The following CDH18 variants were observed in gnomAD, a reference collection of about 807,000 sequenced individuals.
CDH18 encodes cadherin 18, also known as cadherin-18.
A neutral mutation model predicts 67.9 loss-of-function variants in CDH18; 31 were observed. That is an observed-to-expected ratio of 0.46 (90% CI 0.34 to 0.62). The LOEUF (loss-of-function observed/expected upper bound fraction) is 0.62, where lower values mean the gene tolerates loss of function less well. Among genes scored for constraint, CDH18 ranks in the 20% least tolerant of loss-of-function variants. The pLI, the probability that CDH18 is intolerant of heterozygous loss-of-function variation, is 0.01. For synonymous variants in CDH18, 362 were observed against 347.2 expected (o/e 1.04, Z -0.48); for missense variants, 890 against 975.5 (o/e 0.91, Z 1.17).
intron 2 of CDH18, among the ~76,000 whole-genome samples, chr5:20,117,800 C>G (rs993348536): frequency 6.6e-6 from 1 of 152,158 alleles, no homozygotes; most frequent in African/African-American, 2.4e-5. Flanking sequence ...TTAATGAAAA[C>G]ACTGAAGTAT....
intron 2 of CDH18, among the ~76,000 whole-genome samples, chr5:19,863,974 T>A (rs1022626461): frequency 1.3e-5 from 2 of 151,800 alleles, no homozygotes; most frequent in Admixed American, 6.6e-5. Flanking sequence ...GTGTGGTGAT[T>A]CCTCAGGGAT....
chr5:20,533,446 G>A (rs1353319616), intron 1 of CDH18, among the ~76,000 whole-genome samples: 1 of 152,080 alleles, frequency 6.6e-6, no homozygotes, highest in Non-Finnish European at 1.5e-5. Flanking sequence ...CAGTAGACAT[G>A]CAAAATTAGT....
chr5:20,153,517 C>T (rs1409407982), intron 2 of CDH18, among the ~76,000 whole-genome samples: 2 of 152,146 alleles, frequency 1.3e-5, no homozygotes, highest in East Asian at 1.9e-4. Context: ...GATGACATAA[C>T]ATAAATTGCT....
Position 20,131,129 on chromosome 5 carries a change from A to G in CDH18, c.-518+124315T>C, listed in dbSNP as rs560763307. ...CCCATTGCCTAATCCCTTCTTCATA[A>G]AAAGTCTCTACTTTCTTTTTAAAAA... On this transcript the variant is annotated intron_variant, in intron 2 of 14. Transcript: ENST00000507958. Among the ~76,000 whole-genome samples the G allele has an allele frequency of 2.2e-3, 340 of 152,216 alleles. 1 individual carries two copies. Among genetic ancestry groups the G allele is most frequent in the African/African-American group, 7.7e-3 (318 of 41,562 alleles).
At chr5:20,496,481 C>T (rs183434312) in intron 1 of CDH18, among the ~76,000 whole-genome samples, 50 of 152,056 alleles carry the variant, frequency 3.3e-4, no homozygotes, top group Non-Finnish European at 4.4e-5. Flanking sequence ...TAATATTTTA[C>T]ACATAGAATT....
rs58415003 is a variant in CDH18 at position 20,056,478 on chromosome 5, G to GTTTTTTTTTTTTT, written c.-517-64477_-517-64465dup. Among the ~76,000 whole-genome samples, 6 of 16,286 alleles carry GTTTTTTTTTTTTT rather than the reference G, an allele frequency of 3.7e-4. 2 individuals carry two copies. Among genetic ancestry groups the GTTTTTTTTTTTTT allele is most frequent in the African/African-American group, 6.4e-4 (3 of 4,706 alleles). The allele number at this position is 16,286 out of a possible 152,430, so 10.7% of individuals were successfully genotyped here. A position where few individuals can be genotyped will look rare whatever the true frequency, so the allele number is the denominator to read the frequency against. On this transcript the variant is annotated intron_variant, in intron 2 of 14. Coordinates refer to the CDH18 transcript ENST00000507958. ...TATTTTTCTTTATTTTCTTTCTTTT[G>GTTTTTTTTTTTTT]TTTTTTTTTTTTTTTTTTTTTTTTT...
intron 2 of CDH18, among the ~76,000 whole-genome samples, chr5:20,155,767 G>C (rs1453440152): frequency 6.6e-6 from 1 of 151,936 alleles, no homozygotes; most frequent in African/African-American, 2.4e-5. Context: ...AAGAGATAAG[G>C]GTTCAGTTTC....
chr5:20,475,908 T>C (rs762067085), intron 1 of CDH18, among the ~76,000 whole-genome samples: 9 of 152,190 alleles, frequency 5.9e-5, no homozygotes, highest in Non-Finnish European at 1.3e-4. Flanking sequence ...GGTATACCAC[T>C]TGGAAGACAT....
At chr5:19,802,694 G>A (rs1035924534) in intron 3 of CDH18, among the ~76,000 whole-genome samples, 3 of 152,044 alleles carry the variant, frequency 2.0e-5, no homozygotes, top group African/African-American at 7.2e-5. Flanking sequence ...AACCTTCAAG[G>A]GGCAGATTTT....
chr5:20,255,287 A>C (rs528752709), intron 2 of CDH18, among the ~76,000 whole-genome samples: 1 of 152,282 alleles, frequency 6.6e-6, no homozygotes, highest in African/African-American at 2.4e-5. Context: ...GAAGATGCTA[A>C]ATTTCTAAAT....
At chr5:19,965,618 C>A (rs1797351108) in intron 2 of CDH18, among the ~76,000 whole-genome samples, 1 of 152,108 alleles carries the variant, frequency 6.6e-6, no homozygotes, top group Non-Finnish European at 1.5e-5. Flanking sequence ...TATTAGATTT[C>A]TTTTATTCTG....
intron 1 of CDH18, among the ~76,000 whole-genome samples, chr5:20,262,984 G>A (rs897451506): frequency 7.6e-6 from 1 of 131,686 alleles, no homozygotes; most frequent in Admixed American, 7.9e-5. Flanking sequence ...GGAAGGGAAG[G>A]GAAGGGAGGG....
chr5:20,388,918 A>G (rs1744569918), intron 1 of CDH18, among the ~76,000 whole-genome samples: 3 of 152,142 alleles, frequency 2.0e-5, no homozygotes, highest in African/African-American at 7.2e-5. Context: ...TCTGAGAGAC[A>G]GTTTGTTATA....
chr5:20,015,799 A>T (rs1490253266), intron 2 of CDH18, among the ~76,000 whole-genome samples: 2 of 152,098 alleles, frequency 1.3e-5, no homozygotes, highest in Non-Finnish European at 2.9e-5. Context: ...TGACTAATCA[A>T]GATGTAGGTG....
chr5:20,301,781 TC>T (rs1561952936), intron 1 of CDH18, among the ~76,000 whole-genome samples: 11 of 77,586 alleles, frequency 1.4e-4, no homozygotes, highest in African/African-American at 3.4e-4. Flanking sequence ...GTTTGCTCTT[TC>T]TTTTTTCTTT....
chr5:19,809,559 T>A (rs1256622443), intron 3 of CDH18, among the ~76,000 whole-genome samples: 1 of 152,152 alleles, frequency 6.6e-6, no homozygotes, highest in Non-Finnish European at 1.5e-5. Flanking sequence ...ACTCACCAGC[T>A]TTAAAAAGTA....
intron 2 of CDH18, among the ~76,000 whole-genome samples, chr5:20,103,595 T>C (rs1051084239): frequency 7.9e-6 from 1 of 126,662 alleles, no homozygotes; most frequent in Non-Finnish European, 1.7e-5. Flanking sequence ...AAGCTGGGAG[T>C]GGTGGCGGGT....
chr5:20,418,780 ATGTT>A (rs1747566492), intron 1 of CDH18, among the ~76,000 whole-genome samples: 1 of 152,080 alleles, frequency 6.6e-6, no homozygotes, highest in Non-Finnish European at 1.5e-5. Context: ...AATGGGCTGA[ATGTT>A]TGTGTCACCC....
intron 2 of CDH18, among the ~76,000 whole-genome samples, chr5:20,242,620 A>ACATATATATATACACATG (rs1554106663): frequency 1.5e-5 from 1 of 68,880 alleles, no homozygotes; most frequent in African/African-American, 6.5e-5. Flanking sequence ...AAATATATAT[A>ACATATATATATACACATG]TATATATATA....
Sources: gnomAD v4.1 joint callset for allele counts (sites outside exome capture counted in the v4.1 genomes callset) on GRCh38, gnomAD v4.1.1 for gene constraint, MANE v1.5 for transcripts, NCBI Gene and HGNC (gene_info 2026-07-23, HGNC 2026-07-21) for gene names.